XYLT1: variants seen among roughly 807,000 people sequenced by gnomAD.
XYLT1 encodes xylosyltransferase 1.
Under a neutral mutation model 91.3 loss-of-function variants are expected in XYLT1, and 36 were observed. The observed-to-expected ratio is 0.39, with a 90% confidence interval of 0.30 to 0.52. The LOEUF (loss-of-function observed/expected upper bound fraction) is 0.52. Among genes scored for constraint, XYLT1 ranks in the 20% least tolerant of loss-of-function variants. XYLT1 has a pLI of 0.68. For synonymous variants in XYLT1, 588 were observed against 532.0 expected, an observed-to-expected ratio of 1.11 and a Z score of -1.45; for missense variants, 1,242 against 1,284.5, an observed-to-expected ratio of 0.97 and a Z score of 0.51.
chr16:17,232,148 T>A (rs1345274121), intron 3 of XYLT1, among the ~76,000 whole-genome samples: 1 of 144,444 alleles, frequency 6.9e-6, no homozygotes, highest in East Asian at 2.0e-4. Flanking sequence ...GATAATAGAT[T>A]ATAATCGATT....
chr16:17,177,476 A>G (rs1437636928), intron 5 of XYLT1, among the ~76,000 whole-genome samples: 1 of 152,160 alleles, frequency 6.6e-6, no homozygotes, highest in East Asian at 1.9e-4. Flanking sequence ...TATATTCCTC[A>G]AAGGCAGCGA....
chr16:17,341,114 T>C (rs554196665), intron 2 of XYLT1, among the ~76,000 whole-genome samples: 1 of 152,266 alleles, frequency 6.6e-6, no homozygotes, highest in African/African-American at 2.4e-5. Flanking sequence ...CACACACCCT[T>C]TGAGCCAGTG....
intron 1 of XYLT1, chr16:17,403,460 G>C (rs531793040): frequency 6.6e-6 from 1 of 152,276 alleles, no homozygotes; most frequent in African/African-American, 2.4e-5. Context: ...CCAGGTGGCT[G>C]GCGAGGCCTC....
intron 2 of XYLT1, among the ~76,000 whole-genome samples, chr16:17,351,429 C>T (rs2035218452): frequency 6.6e-6 from 1 of 152,116 alleles, no homozygotes; most frequent in Admixed American, 6.6e-5. Flanking sequence ...AGGAGAATTG[C>T]TTTAACCTGG....
At chr16:17,297,304 C>A (rs1294157723) in intron 2 of XYLT1, among the ~76,000 whole-genome samples, 1 of 152,132 alleles carries the variant, frequency 6.6e-6, no homozygotes, top group Non-Finnish European at 1.5e-5. Context: ...CAGTGGCTCA[C>A]GCCTATAATC....
chr16:17,221,236 G>C lies in XYLT1; in HGVS notation c.914-20582C>G, dbSNP rs9925373. On this transcript the variant is annotated intron_variant, in intron 3 of 11. Coordinates refer to ENST00000261381, the MANE Select transcript of XYLT1 (RefSeq NM_022166.4). ...AAGCTGACTGATTGGCAAAAAACAGGTCTCTACTAAAAATGCTAACCCCAG... is the reference window on the plus strand; with the variant it reads ...AAGCTGACTGATTGGCAAAAAACAGCTCTCTACTAAAAATGCTAACCCCAG... Among the ~76,000 whole-genome samples, 911 of 152,186 alleles carry C rather than the reference G, an allele frequency of 6.0e-3. 8 individuals are homozygous for C. Among genetic ancestry groups the C allele is most frequent in the African/African-American group, 0.021 (854 of 41,512 alleles).
chr16:17,460,224 C>T (rs1338409497), intron 1 of XYLT1, among the ~76,000 whole-genome samples: 9 of 152,116 alleles, frequency 5.9e-5, no homozygotes, highest in East Asian at 3.9e-4. Flanking sequence ...CTTCCCAATG[C>T]GTGTTATTGG....
intron 10 of XYLT1, among the ~76,000 whole-genome samples, chr16:17,125,897 C>CTTT (rs1318171099): frequency 6.6e-6 from 1 of 152,130 alleles, no homozygotes; most frequent in African/African-American, 2.4e-5. Context: ...GAATGAGCAT[C>CTTT]TTTTATTTCC....
chr16:17,361,674 C>G (rs2035384264), intron 1 of XYLT1, among the ~76,000 whole-genome samples: 1 of 152,174 alleles, frequency 6.6e-6, no homozygotes, highest in Non-Finnish European at 1.5e-5. Context: ...CTGAATTAGC[C>G]TTCAATCCTG....
At position 17,269,902 on chromosome 16, in the gene XYLT1, C is replaced by T. The variant is rs1182325444; in HGVS notation, c.403-10404G>A. Among the ~76,000 whole-genome samples the T allele has an allele frequency of 2.6e-5, 4 of 151,952 alleles. No homozygotes were observed. In the East Asian group the frequency reaches 7.7e-4, roughly 29 times the overall value. The stretch of plus-strand genomic sequence containing the variant: ...TCTCTGCTCAGTGCAACCTCCGCCT[C>T]CCGGGTTCAAGCAATTCTCCTGCCT... On this transcript the variant is annotated intron_variant, in intron 2 of 11. Coordinates refer to ENST00000261381, the MANE Select transcript of XYLT1 (RefSeq NM_022166.4).
intron 1 of XYLT1, among the ~76,000 whole-genome samples, chr16:17,468,683 GCCT>G (rs1431775025): frequency 6.6e-6 from 1 of 152,050 alleles, no homozygotes; most frequent in Non-Finnish European, 1.5e-5. Flanking sequence ...AGCTAGCCCT[GCCT>G]CCTTCCTTCT....
chr16:17,271,128 T>C (rs2033882200), intron 2 of XYLT1, among the ~76,000 whole-genome samples: 2 of 149,398 alleles, frequency 1.3e-5, no homozygotes, highest in African/African-American at 5.0e-5. Flanking sequence ...AGCTTTTCTA[T>C]GGAGAGAGGC....
In XYLT1 at chr16:17,138,258, T is replaced by C. The variant is rs1161605104; in HGVS notation, c.1764+97A>G. 3 of 1,442,304 alleles carry C rather than the reference T, an allele frequency of 2.1e-6. No individual in the cohort carries two copies. The African/African-American group carries it at 4.2e-5, about 20-fold the overall frequency. 89.3% of individuals were successfully genotyped at this position (1,442,304 alleles called of 1,614,324 possible). A position where few individuals can be genotyped will look rare whatever the true frequency, so the allele number is the denominator to read the frequency against. On this transcript the variant is annotated intron_variant, in intron 8 of 11. Coordinates refer to ENST00000261381, the MANE Select transcript of XYLT1 (RefSeq NM_022166.4). ...TATCAACAGCCAGGTTTGGGCACCA[T>C]GTGATAAGATGACCTGCAGGTCTGG...
At chr16:17,435,449 G>C (rs2036444575) in intron 1 of XYLT1, among the ~76,000 whole-genome samples, 1 of 152,108 alleles carries the variant, frequency 6.6e-6, no homozygotes, top group Non-Finnish European at 1.5e-5. Flanking sequence ...TACGACACAA[G>C]CAAGTTTTTA....
chr16:17,155,545 G>A (rs934771078), intron 6 of XYLT1, among the ~76,000 whole-genome samples: 1 of 152,198 alleles, frequency 6.6e-6, no homozygotes, highest in African/African-American at 2.4e-5. Flanking sequence ...CCCAGCTCTG[G>A]TCACTTGGGA....
At chr16:17,370,470 C>A (rs1482026277) in intron 1 of XYLT1, among the ~76,000 whole-genome samples, 1 of 152,190 alleles carries the variant, frequency 6.6e-6, no homozygotes, top group Non-Finnish European at 1.5e-5. Context: ...ATTGAGACAT[C>A]TGCGGGGAGG....
At chr16:17,228,884 C>T (rs982627678) in intron 3 of XYLT1, among the ~76,000 whole-genome samples, 25 of 152,222 alleles carry the variant, frequency 1.6e-4, no homozygotes, top group African/African-American at 6.0e-4. Context: ...GATGAGAAAA[C>T]TGTGACTCAG....
intron 10 of XYLT1, among the ~76,000 whole-genome samples, chr16:17,127,125 C>T (rs1026199774): frequency 6.6e-6 from 1 of 152,124 alleles, no homozygotes. Context: ...GCTATGTGAC[C>T]CATCTGTCCA....
chr16:17,250,892 T>G (rs1196923430), intron 3 of XYLT1: 1 of 152,246 alleles, frequency 6.6e-6, no homozygotes, highest in Non-Finnish European at 1.5e-5. Flanking sequence ...TTTTCACAGC[T>G]ATTCCCTCAT....
Sources: allele counts gnomAD v4.1 joint callset (sites outside exome capture counted in the v4.1 genomes callset), GRCh38; gene constraint gnomAD v4.1.1; transcripts MANE v1.5; gene names NCBI Gene and HGNC (gene_info 2026-07-23, HGNC 2026-07-21).